The following ZFP2 variants were observed in gnomAD, a reference collection of about 807,000 sequenced individuals.
The protein encoded by ZFP2 is ZFP2 zinc finger protein, also known as zinc finger protein ZFP2.
A neutral mutation model predicts 36.1 loss-of-function variants in ZFP2; 33 were observed. The observed-to-expected ratio is 0.92, with a 90% CI of 0.69 to 1.22. The LOEUF is 1.22. Among genes scored for constraint, ZFP2 ranks in the 50% most tolerant of loss-of-function variants. The pLI, the probability that ZFP2 is intolerant of heterozygous loss-of-function variation, is 0.00. For synonymous variants in ZFP2, 170 were observed against 178.0 expected, an observed-to-expected ratio of 0.96 and a Z score of 0.36; for missense variants, 522 against 551.4, an observed-to-expected ratio of 0.95 and a Z score of 0.53.
intron 4 of ZFP2, among the ~76,000 whole-genome samples, chr5:178,921,612 T>C (rs932659568): frequency 1.3e-5 from 2 of 149,534 alleles, no homozygotes; most frequent in African/African-American, 4.9e-5. Context: ...CTCTAAGCAT[T>C]AGAAGTCCTT....
chr5:178,928,521 C>T (rs186022869), intron 4 of ZFP2, among the ~76,000 whole-genome samples: 1 of 152,342 alleles, frequency 6.6e-6, no homozygotes, highest in Non-Finnish European at 1.5e-5. Context: ...ACCATCAGGG[C>T]AGTCATTAAA....
At chr5:178,897,245 C>T (rs966162864) in intron 1 of ZFP2, among the ~76,000 whole-genome samples, 6 of 152,172 alleles carry the variant, frequency 3.9e-5, no homozygotes, top group African/African-American at 9.7e-5. Flanking sequence ...TTTACCCACA[C>T]CAACTGTGAA....
rs1561686526 is a variant in ZFP2, at chr5:178,931,459, A to T, written c.146A>T (p.Asn49Ile). The T allele has an allele frequency of 1.9e-6, 3 of 1,614,164 alleles. No homozygotes were observed. Among genetic ancestry groups the T allele is most frequent in the Middle Eastern group, 1.6e-4 (1 of 6,062 alleles). ...ACTGAGATGAGAGTATGTGGAGGTA[A>T]TGAATTTGAAAGATGTTCCAGTCAG... ...TFTEMRVCGG[N>I]EFERCSSQDS... Residue 49 changes from asparagine to isoleucine, a missense_variant, in exon 5 of 5, where the codon AAT becomes ATT. Transcript: ENST00000361362.
In ZFP2 at chr5:178,906,315, T is replaced by C. The variant is rs2113064058; in HGVS notation, c.-449-6269T>C. ...AAGTGGATGATTTTTGGAAGGGGAA[T>C]CTTGCATTTCTGATTTGATACCTTC... On this transcript the variant is annotated intron_variant, in intron 1 of 4. Coordinates refer to ENST00000361362, the MANE Select transcript of ZFP2 (RefSeq NM_030613.4). Among the ~76,000 whole-genome samples the C allele has an allele frequency of 2.0e-5, 3 of 152,314 alleles. 1 individual carries two copies. In the South Asian group the frequency reaches 6.2e-4, roughly 32 times the overall value.
At chr5:178,914,206 T>G (rs1758370669) in intron 3 of ZFP2, among the ~76,000 whole-genome samples, 1 of 152,150 alleles carries the variant, frequency 6.6e-6, no homozygotes. Flanking sequence ...AGGCAAATAT[T>G]TAATCTCTAG....
At chr5:178,913,675 A>G (rs539760305) in intron 3 of ZFP2, among the ~76,000 whole-genome samples, 6 of 151,994 alleles carry the variant, frequency 3.9e-5, no homozygotes, top group South Asian at 4.1e-4. Flanking sequence ...TACCCATTCA[A>G]TGCCATTTAC....
At position 178,931,828 on chromosome 5, in the gene ZFP2, A is replaced by G. The variant is rs200179361; in HGVS notation, c.515A>G (p.Asn172Ser). ...ECGKAFSQSM[N>S]LTVHQRTHTG... Reference sequence around the variant, plus strand: ...GGGAAAGCCTTTAGTCAGAGCATGAATCTTACTGTCCATCAACGAACTCAC... The same window carrying G: ...GGGAAAGCCTTTAGTCAGAGCATGAGTCTTACTGTCCATCAACGAACTCAC... Residue 172 changes from asparagine to serine, a missense_variant, in exon 5 of 5, where the codon AAT becomes AGT. Physicochemically the swap from Asn to Ser is conservative, Grantham distance 46. Coordinates refer to ENST00000361362, the MANE Select transcript of ZFP2 (RefSeq NM_030613.4). The G allele has an allele frequency of 2.5e-5, 41 of 1,612,558 alleles. No individual in the cohort carries two copies. The highest frequency in any genetic ancestry group is 3.2e-5 in the Non-Finnish European group (38 of 1,178,838).
At chr5:178,920,506 G>A (rs1207210367) in intron 4 of ZFP2, among the ~76,000 whole-genome samples, 3 of 151,962 alleles carry the variant, frequency 2.0e-5, no homozygotes, top group Non-Finnish European at 2.9e-5. Flanking sequence ...GCATGGTGGC[G>A]TGTACCTGTA....
intron 1 of ZFP2, among the ~76,000 whole-genome samples, chr5:178,902,138 C>G (rs944956780): frequency 6.6e-6 from 1 of 152,084 alleles, no homozygotes; most frequent in African/African-American, 2.4e-5. Flanking sequence ...ACAACAAATG[C>G]TGCAAAAATA....
intron 4 of ZFP2, among the ~76,000 whole-genome samples, chr5:178,917,693 G>A (rs1308691342): frequency 6.6e-6 from 1 of 152,006 alleles, no homozygotes; most frequent in African/African-American, 2.4e-5. Context: ...AAATATATGT[G>A]TACATATATA....
chr5:178,926,264 A>G (rs1046898365), intron 4 of ZFP2, among the ~76,000 whole-genome samples: 7 of 151,878 alleles, frequency 4.6e-5, no homozygotes, highest in East Asian at 1.9e-4. Flanking sequence ...TGTTTTAATT[A>G]TTTTTAAAAT....
chr5:178,927,666 TGTGTGTG>T (rs1468513565), intron 4 of ZFP2, among the ~76,000 whole-genome samples: 27,338 of 105,990 alleles, frequency 0.26, 3,100 homozygotes, highest in Middle Eastern at 0.39. Context: ...CTGGCCAATG[TGTGTGTG>T]TGTGTGTGTG....
At position 178,932,190 on chromosome 5, in the gene ZFP2, A is replaced by C. The variant is rs745452726; in HGVS notation, c.877A>C (p.Thr293Pro). 6.8e-6 allele frequency: 11 copies of C among 1,614,166 alleles called. No homozygotes were observed. Among genetic ancestry groups the C allele is most frequent in the Non-Finnish European group, 9.3e-6 (11 of 1,180,018 alleles). Residue 293 changes from threonine (T) to proline (P), a missense_variant, in exon 5 of 5, where the codon ACT (threonine) becomes CCT (proline). Transcript: ENST00000361362. ...TCTTACCCTACATCAGCGAAATCAC[A>C]CTGGAGAAAAACCTTACAAATGTAA... ...STLTLHQRNH[T>P]GEKPYKCNKC...
At chr5:178,910,849 C>T (rs540415078) in intron 1 of ZFP2, among the ~76,000 whole-genome samples, 2 of 152,292 alleles carry the variant, frequency 1.3e-5, no homozygotes, top group South Asian at 4.1e-4. Flanking sequence ...ACCACTGCCA[C>T]CGCCTCCTTC....
At chr5:178,919,200 T>G (rs2113100984) in intron 4 of ZFP2, among the ~76,000 whole-genome samples, 1 of 152,324 alleles carries the variant, frequency 6.6e-6, no homozygotes, top group South Asian at 2.1e-4. Context: ...GGATACCAGT[T>G]GAATACTTCT....
intron 3 of ZFP2, among the ~76,000 whole-genome samples, chr5:178,916,133 G>C (rs933819519): frequency 2.7e-5 from 3 of 109,502 alleles, no homozygotes; most frequent in African/African-American, 6.0e-5. Flanking sequence ...CCAAGGAGGA[G>C]GAGAGGGCCC....
rs758767969 is a variant in ZFP2 at position 178,932,181 on chromosome 5, C to T, written c.868C>T (p.Arg290Ter). 4.3e-5 allele frequency: 69 copies of T among 1,613,836 alleles called. No individual in the cohort carries two copies. Among genetic ancestry groups the T allele is most frequent in the Non-Finnish European group, 5.6e-5 (66 of 1,179,984 alleles). The change falls in exon 5 of 5, where the codon CGA becomes TGA. Residue 290 changes from arginine (R) to a stop codon, truncating the protein, a stop_gained. Transcript: ENST00000361362. LOFTEE classifies it high-confidence loss of function. ...SKSSTLTLHQRNHTGEKPYKC... is the reference protein window; with the variant it reads ...SKSSTLTLHQ The stretch of plus-strand genomic sequence containing the variant: ...GAGCTCAACTCTTACCCTACATCAG[C>T]GAAATCACACTGGAGAAAAACCTTA...
intron 4 of ZFP2, among the ~76,000 whole-genome samples, chr5:178,924,992 G>A (rs943545003): frequency 3.4e-4 from 50 of 147,622 alleles, no homozygotes; most frequent in African/African-American, 1.0e-3. Flanking sequence ...GATATAACCA[G>A]TATTCTGACT....
intron 4 of ZFP2, among the ~76,000 whole-genome samples, chr5:178,924,924 C>T (rs1381097591): frequency 1.4e-5 from 2 of 148,060 alleles, no homozygotes; most frequent in East Asian, 3.9e-4. Context: ...TTGCTAGTGC[C>T]ATGGAAATGC....
Sources: gnomAD v4.1 joint callset for allele counts (sites outside exome capture counted in the v4.1 genomes callset) on GRCh38, gnomAD v4.1.1 for gene constraint, MANE v1.5 for transcripts, NCBI Gene and HGNC (gene_info 2026-07-23, HGNC 2026-07-21) for gene names.